The following DNAH17 variants were observed in gnomAD, a reference collection of about 807,000 sequenced individuals.
The protein encoded by DNAH17 is dynein axonemal heavy chain 17.
Under a neutral mutation model 485.6 loss-of-function variants are expected in DNAH17, and 376 were observed. That is an observed-to-expected ratio of 0.77 (90% CI 0.71 to 0.84). DNAH17 has a LOEUF of 0.84. DNAH17 is among the 40% of genes least tolerant of loss of function. DNAH17 has a pLI of 0.00. For synonymous variants in DNAH17, 3,031 were observed against 2,405.9 expected (o/e 1.26, Z -7.60); for missense variants, 6,370 against 5,839.3 (o/e 1.09, Z -2.96).
intron 69 of DNAH17, among the ~76,000 whole-genome samples, chr17:78,446,454 C>T (rs1018120536): frequency 2.6e-5 from 4 of 152,094 alleles, no homozygotes; most frequent in East Asian, 1.9e-4. Context: ...TTTCACTTAG[C>T]GTGATGCTTC....
At chr17:78,496,358 G>C (rs112472342) in intron 37 of DNAH17, among the ~76,000 whole-genome samples, 10 of 80,230 alleles carry the variant, frequency 1.2e-4, no homozygotes, top group African/African-American at 5.4e-4. Context: ...GACAGTGATT[G>C]GGGGGAAGAA....
intron 55 of DNAH17, among the ~76,000 whole-genome samples, chr17:78,467,063 T>TA (rs2088505128): frequency 1.3e-5 from 2 of 152,136 alleles, no homozygotes; most frequent in Non-Finnish European, 2.9e-5. Context: ...CTTGCCTCTC[T>TA]AAAAAAGGCC....
chr17:78,545,269 CCTT>C (rs2091727875), intron 16 of DNAH17, among the ~76,000 whole-genome samples: 1 of 152,178 alleles, frequency 6.6e-6, no homozygotes, highest in African/African-American at 2.4e-5. Context: ...AGAAGGATTT[CCTT>C]TTTTTATTAG....
At chr17:78,477,459 A>C (rs576178523) in intron 51 of DNAH17, among the ~76,000 whole-genome samples, 37 of 151,948 alleles carry the variant, frequency 2.4e-4, no homozygotes, top group African/African-American at 8.9e-4. Flanking sequence ...GCTTACTGCA[A>C]CCTCTGCCTC....
At chr17:78,433,086 G>A (rs1387882416) in intron 75 of DNAH17, among the ~76,000 whole-genome samples, 6 of 152,160 alleles carry the variant, frequency 3.9e-5, no homozygotes, top group Admixed American at 3.9e-4. Flanking sequence ...CTGAGCCAGG[G>A]TCCATGTCGC....
intron 9 of DNAH17, among the ~76,000 whole-genome samples, 194 bp from the exon 10 acceptor site, chr17:78,567,360 G>C (rs1288678072): frequency 1.3e-5 from 2 of 152,086 alleles, no homozygotes; most frequent in Non-Finnish European, 2.9e-5. Flanking sequence ...CCTGCAGAAA[G>C]AGGGGATGGA....
At chr17:78,552,447 T>G (rs1321840366) in intron 15 of DNAH17, among the ~76,000 whole-genome samples, 1 of 151,606 alleles carries the variant, frequency 6.6e-6, no homozygotes, top group Non-Finnish European at 1.5e-5. Flanking sequence ...TTGGGAAACT[T>G]GGAAACCTCT....
intron 75 of DNAH17, among the ~76,000 whole-genome samples, chr17:78,432,752 G>A (rs2086720125): frequency 2.0e-5 from 3 of 152,214 alleles, no homozygotes; most frequent in African/African-American, 7.2e-5. Context: ...TGGAAAAAAG[G>A]AGGGGGTTCC....
chr17:78,510,722 A>G lies in DNAH17; in HGVS notation c.4114-216T>C, dbSNP rs555616650. 6 of 577,982 alleles carry G rather than the reference A, an allele frequency of 1.0e-5. No homozygotes were observed. In the African/African-American group the frequency reaches 1.2e-4, roughly 11 times the overall value. 35.8% of individuals were successfully genotyped at this position (577,982 alleles called of 1,614,324 possible). A position where few individuals can be genotyped will look rare whatever the true frequency, so the allele number is the denominator to read the frequency against. ...CTTCCCTGTAAAACCGCATAAGAGC[A>G]GAACGCACCTGCACTGGGCGGAATT... On this transcript the variant is annotated intron_variant, in intron 26 of 80. Coordinates refer to ENST00000389840, the MANE Select transcript of DNAH17 (RefSeq NM_173628.4).
intron 70 of DNAH17, 132 bp from the exon 71 acceptor site, chr17:78,444,929 C>T (rs927447341): frequency 1.4e-5 from 13 of 925,868 alleles, no homozygotes; most frequent in African/African-American, 8.6e-5. Context: ...TAAGGAAGCC[C>T]GAGAGGCTGG....
Position 78,460,276 on chromosome 17 carries a change from GGA to G in DNAH17, c.9340-21_9340-20del. The G allele has an allele frequency of 5.7e-6, 9 of 1,572,238 alleles. No individual in the cohort carries two copies. The highest frequency in any genetic ancestry group is 6.9e-6 in the Non-Finnish European group (8 of 1,157,472). On this transcript the variant is annotated intron_variant, in intron 58 of 80. Coordinates refer to ENST00000389840, the MANE Select transcript of DNAH17 (RefSeq NM_173628.4). ...TGACGTTCTGGAAGGAAGATGGACA[GGA>G]GAGGTTACTGCAGGCCTGTCCATGT...
rs561084885 is a variant in DNAH17, at chr17:78,434,961, G to T, written c.12034-741C>A. ...CTGGGGAGGGACAGATAAGTGCCAG[G>T]GGAAGTGTACTGGGTGGATCAAGAG... On this transcript the variant is annotated intron_variant, in intron 74 of 80. Coordinates refer to ENST00000389840, the MANE Select transcript of DNAH17 (RefSeq NM_173628.4). Among the ~76,000 whole-genome samples the T allele has an allele frequency of 4.7e-4, 71 of 152,292 alleles. 2 individuals carry two copies. The highest frequency in any genetic ancestry group is 1.6e-3 in the African/African-American group (68 of 41,550).
In DNAH17 at chr17:78,507,530, G is replaced by A. The variant is rs576619394; in HGVS notation, c.4512C>T (p.Ile1504=). Residue 1504 remains isoleucine, a synonymous_variant, in exon 28 of 81, where the codon ATC becomes ATT. Coordinates refer to ENST00000389840, the MANE Select transcript of DNAH17 (RefSeq NM_173628.4). Reference sequence around the variant, plus strand: ...GCTGGGTGCGGATGTCTTCGGAGCCGATGAAGATGCTCTCCAGGTGGCTCC... The same window carrying A: ...GCTGGGTGCGGATGTCTTCGGAGCCAATGAAGATGCTCTCCAGGTGGCTCC... ...RTWSHLESIF[I]GSEDIRTQLP... is the part of the protein sequence containing the mutation. The A allele has an allele frequency of 2.0e-5, 33 of 1,613,894 alleles. 1 individual carries two copies. Among genetic ancestry groups the A allele is most frequent in the South Asian group, 3.3e-5 (3 of 91,082 alleles).
chr17:78,506,950 G>C lies in DNAH17; in HGVS notation c.4677-104C>G, dbSNP rs890904699. The C allele has an allele frequency of 3.4e-6, 5 of 1,489,682 alleles. No individual in the cohort carries two copies. The African/African-American group carries it at 6.9e-5, about 21-fold the overall frequency. The allele number at this position is 1,489,682 out of a possible 1,614,324, so 92.3% of individuals were successfully genotyped here. ...GAAACTGATCATCCTGGAGATGCCTGGACTGCTGTTCACAGGCCTGGTTTA... is the reference window on the plus strand; with the variant it reads ...GAAACTGATCATCCTGGAGATGCCTCGACTGCTGTTCACAGGCCTGGTTTA... On this transcript the variant is annotated intron_variant, in intron 29 of 80. Coordinates refer to ENST00000389840, the MANE Select transcript of DNAH17 (RefSeq NM_173628.4).
At chr17:78,445,719 G>A (rs1208282315) in intron 69 of DNAH17, 39 bp from the exon 70 acceptor site, 4 of 1,576,094 alleles carry the variant, frequency 2.5e-6, no homozygotes, top group Non-Finnish European at 3.4e-6. Flanking sequence ...AACGCAGCCA[G>A]TAAAACGTCA....
At chr17:78,522,847 C>A in intron 25 of DNAH17, 1 of 161,096 alleles carries the variant, frequency 6.2e-6, no homozygotes. Flanking sequence ...TCCTTTCTTT[C>A]CTTTTTCTTT....
intron 78 of DNAH17, 68 bp from the exon 79 acceptor site, chr17:78,426,668 G>A (rs575474896): frequency 1.6e-5 from 25 of 1,527,636 alleles, no homozygotes; most frequent in South Asian, 1.1e-4. Context: ...GCCCCAGTGC[G>A]TGTCATGAGT....
chr17:78,428,332 A>G, intron 77 of DNAH17, 193 bp downstream of exon 77: 2 of 674,172 alleles, frequency 3.0e-6, no homozygotes, highest in Non-Finnish European at 5.3e-6. Context: ...CGAAGCCTGC[A>G]GCTGCCACGT....
intron 48 of DNAH17, among the ~76,000 whole-genome samples, chr17:78,483,825 G>A (rs956607038): frequency 1.3e-5 from 2 of 151,850 alleles, no homozygotes; most frequent in Admixed American, 6.6e-5. Flanking sequence ...GGCTGGGCAC[G>A]GTGGCTCACA....
Sources: gnomAD v4.1 joint callset for allele counts (sites outside exome capture counted in the v4.1 genomes callset) on GRCh38, gnomAD v4.1.1 for gene constraint, MANE v1.5 for transcripts, NCBI Gene and HGNC (gene_info 2026-07-23, HGNC 2026-07-21) for gene names.